CD44: variants seen among roughly 807,000 people sequenced by gnomAD.
The protein encoded by CD44 is CD44 antigen.
Under a neutral mutation model 88.8 loss-of-function variants are expected in CD44, and 49 were observed. The observed-to-expected ratio is 0.55, with a 90% CI of 0.44 to 0.70. The LOEUF is 0.70. CD44 is among the 30% of genes least tolerant of loss of function. The pLI, the probability that CD44 is intolerant of heterozygous loss-of-function variation, is 0.00. For synonymous variants in CD44, 325 were observed against 312.3 expected (o/e 1.04, Z -0.43); for missense variants, 883 against 913.8 (o/e 0.97, Z 0.43).
chr11:35,208,087 T>G lies in CD44; in HGVS notation c.1415-18T>G, dbSNP rs1948055985. 1 of 1,445,642 alleles carries G rather than the reference T, an allele frequency of 6.9e-7. No homozygotes were observed. The highest frequency in any genetic ancestry group is 1.4e-5 in the African/African-American group (1 of 71,266). 89.6% of individuals were successfully genotyped at this position (1,445,642 alleles called of 1,614,324 possible). On this transcript the variant is annotated intron_variant, in intron 11 of 17. Transcript: ENST00000428726. ...GGTTTGGGAAATCAAGCAATAACAC[T>G]AATATTGATTCCTTCAGATATGGAC...
intron 3 of CD44, among the ~76,000 whole-genome samples, chr11:35,183,404 T>A (rs550957408): frequency 3.3e-5 from 5 of 151,892 alleles, no homozygotes; most frequent in Non-Finnish European, 5.9e-5. Flanking sequence ...AAATTCTGAA[T>A]GTCTTGGATT....
At position 35,186,482 on chromosome 11, in the gene CD44, C is replaced by T. The variant is rs116906352; in HGVS notation, c.368-350C>T. On this transcript the variant is annotated intron_variant, in intron 3 of 17. Coordinates refer to ENST00000428726, the MANE Select transcript of CD44 (RefSeq NM_000610.4). Reference sequence around the variant, plus strand: ...TTTTGTAATCACAAATTTTAAAAATCCTCCCTAATGTGTTTGCATTAGAGA... The same window carrying T: ...TTTTGTAATCACAAATTTTAAAAATTCTCCCTAATGTGTTTGCATTAGAGA... 7.2e-3 allele frequency among the ~76,000 whole-genome samples: 1,097 copies of T among 152,236 alleles called. 9 individuals are homozygous for T. The highest frequency in any genetic ancestry group is 0.01 in the Middle Eastern group (3 of 294).
At chr11:35,195,669 A>G (rs1005279066) in intron 5 of CD44, among the ~76,000 whole-genome samples, 3 of 151,906 alleles carry the variant, frequency 2.0e-5, no homozygotes, top group African/African-American at 4.8e-5. Flanking sequence ...CTGTTAGCTC[A>G]TATTCTTCCA....
At chr11:35,222,250 C>A in intron 17 of CD44, 1 of 421,136 alleles carries the variant, frequency 2.4e-6, no homozygotes, top group Non-Finnish European at 4.7e-6. Flanking sequence ...CCTTTAAGAA[C>A]TTTTACCAGA....
chr11:35,141,993 G>A (rs1249013149), intron 1 of CD44, among the ~76,000 whole-genome samples: 2 of 152,096 alleles, frequency 1.3e-5, no homozygotes, highest in Admixed American at 1.3e-4. Context: ...TCTTTGTATG[G>A]GAAAGCAAAA....
intron 17 of CD44, among the ~76,000 whole-genome samples, chr11:35,225,697 A>G (rs1949650493): frequency 6.6e-6 from 1 of 152,120 alleles, no homozygotes; most frequent in Non-Finnish European, 1.5e-5. Flanking sequence ...GGTGCCTGTA[A>G]TCCCAGCTAC....
intron 1 of CD44, among the ~76,000 whole-genome samples, chr11:35,170,037 G>A (rs1319478419): frequency 6.6e-6 from 1 of 152,168 alleles, no homozygotes; most frequent in African/African-American, 2.4e-5. Context: ...AAGTACATAA[G>A]GCACCTAATA....
intron 1 of CD44, among the ~76,000 whole-genome samples, chr11:35,174,363 C>G (rs1185013533): frequency 6.6e-6 from 1 of 152,160 alleles, no homozygotes; most frequent in Admixed American, 6.5e-5. Context: ...GGAGTGGTGC[C>G]TGGCCAGGCA....
At chr11:35,211,194 T>C in intron 13 of CD44, 52 bp from the exon 14 acceptor site, 1 of 1,364,648 alleles carries the variant, frequency 7.3e-7, no homozygotes, top group Non-Finnish European at 1.0e-6. Flanking sequence ...AAGCACATGG[T>C]GGGTGGTGAT....
chr11:35,164,505 G>A (rs868536389), intron 1 of CD44, among the ~76,000 whole-genome samples: 3 of 152,198 alleles, frequency 2.0e-5, no homozygotes, highest in East Asian at 1.9e-4. Flanking sequence ...TGGAGATGCC[G>A]TGGGCTGTGT....
intron 1 of CD44, among the ~76,000 whole-genome samples, chr11:35,143,695 C>T (rs930291807): frequency 3.3e-5 from 5 of 152,208 alleles, no homozygotes; most frequent in Admixed American, 6.5e-5. Context: ...TCTCCATCCC[C>T]GGCAGGCTGT....
intron 1 of CD44, among the ~76,000 whole-genome samples, chr11:35,175,149 T>C (rs1194209017): frequency 6.6e-6 from 1 of 152,126 alleles, no homozygotes; most frequent in Non-Finnish European, 1.5e-5. Flanking sequence ...GATACAAATA[T>C]TCTAGGATGG....
intron 1 of CD44, among the ~76,000 whole-genome samples, chr11:35,151,777 T>TATAGA (rs1860373067): frequency 6.6e-6 from 1 of 152,154 alleles, no homozygotes; most frequent in Non-Finnish European, 1.5e-5. Flanking sequence ...ATAGACTCTA[T>TATAGA]CTCCTTCTAG....
At chr11:35,182,593 TATA>T (rs1310451344) in intron 3 of CD44, among the ~76,000 whole-genome samples, 1 of 152,296 alleles carries the variant, frequency 6.6e-6, no homozygotes, top group South Asian at 2.1e-4. Flanking sequence ...CTAATGATAT[TATA>T]ATGAGAAAAC....
chr11:35,175,389 T>C (rs1229336666), intron 1 of CD44, among the ~76,000 whole-genome samples: 1 of 152,238 alleles, frequency 6.6e-6, no homozygotes, highest in Non-Finnish European at 1.5e-5. Context: ...AAAATGACTC[T>C]TAAATCTAGA....
At chr11:35,196,701 C>T (rs375532573) in intron 5 of CD44, 45 bp from the exon 6 acceptor site, 74 of 1,593,508 alleles carry the variant, frequency 4.6e-5, no homozygotes, top group Middle Eastern at 1.7e-4. Flanking sequence ...TCTTAGGAAC[C>T]GTTAATTAAT....
intron 15 of CD44, among the ~76,000 whole-genome samples, chr11:35,215,871 C>CA (rs1356768292): frequency 8.1e-5 from 12 of 148,288 alleles, no homozygotes; most frequent in African/African-American, 1.5e-4. Flanking sequence ...GACTCTGTCT[C>CA]AAAAAAAACC....
chr11:35,230,362 T>C lies in CD44; in HGVS notation c.*1029T>C, dbSNP rs1014949644. 6.6e-6 allele frequency: 1 copy of C among 152,186 alleles called. No homozygotes were observed. Among genetic ancestry groups the C allele is most frequent in the Admixed American group, 6.6e-5 (1 of 15,264 alleles). 9.4% of individuals were successfully genotyped at this position (152,186 alleles called of 1,614,324 possible). A position where few individuals can be genotyped will look rare whatever the true frequency, so the allele number is the denominator to read the frequency against. ...AAGGCTTTGCAAAGTCACATTAAGT[T>C]TGCATGACCTGTTATCCCTGGGGCC... is the stretch of plus-strand genomic sequence containing the variant. On this transcript the variant is annotated 3_prime_UTR_variant, in exon 18 of 18. Transcript: ENST00000428726.
intron 7 of CD44, 76 bp downstream of exon 7, chr11:35,198,322 C>T: frequency 5.0e-6 from 7 of 1,407,030 alleles, no homozygotes; most frequent in Non-Finnish European, 6.9e-6. Flanking sequence ...AATTGTATCT[C>T]TCTTGAGAAG....
Sources: gnomAD v4.1 joint callset for allele counts (sites outside exome capture counted in the v4.1 genomes callset) on GRCh38, gnomAD v4.1.1 for gene constraint, MANE v1.5 for transcripts, NCBI Gene and HGNC (gene_info 2026-07-23, HGNC 2026-07-21) for gene names.